EBAG9: variants seen among roughly 807,000 people sequenced by gnomAD.
The protein encoded by EBAG9 is estrogen receptor binding site associated antigen 9.
EBAG9 carries 16 observed loss-of-function variants against 30.9 expected under a neutral mutation model. The ratio of observed to expected loss-of-function variants is 0.52; its 90% confidence interval spans 0.35 to 0.79. The LOEUF is 0.79. EBAG9 is among the 30% of genes least tolerant of loss of function. The pLI is 0.01. For synonymous variants in EBAG9, 93 were observed against 82.8 expected (o/e 1.12, Z -0.67); for missense variants, 197 against 242.1 (o/e 0.81, Z 1.24).
intron 5 of EBAG9, among the ~76,000 whole-genome samples, chr8:109,560,263 T>A (rs1016607844): frequency 2.0e-5 from 3 of 152,206 alleles, no homozygotes; most frequent in African/African-American, 7.2e-5. Context: ...AAAGGAAGCA[T>A]GACCTAGAAG....
At chr8:109,548,911 T>C (rs1228265935) in intron 1 of EBAG9, among the ~76,000 whole-genome samples, 5 of 148,812 alleles carry the variant, frequency 3.4e-5, no homozygotes, top group Admixed American at 6.7e-5. Flanking sequence ...TTTTGCTGGA[T>C]TGCATTGGCC....
At chr8:109,552,879 T>C (rs998824679) in intron 2 of EBAG9, among the ~76,000 whole-genome samples, 1 of 152,096 alleles carries the variant, frequency 6.6e-6, no homozygotes, top group African/African-American at 2.4e-5. Flanking sequence ...TAGGATAGCT[T>C]GAGGCCAGGA....
In EBAG9 at chr8:109,548,887, C is replaced by CTT. The variant is rs548152043; in HGVS notation, c.-15-1907_-15-1906dup. On this transcript the variant is annotated intron_variant, in intron 1 of 6. Transcript: ENST00000337573. ...TTTCTTTTCTATTTTTTTCTTTTTT[C>CTT]TTTTTTTTTTTTTTTTTGCTGGATT... Among the ~76,000 whole-genome samples, 516 of 125,104 alleles carry CTT rather than the reference C, an allele frequency of 4.1e-3. 4 individuals are homozygous for CTT. The highest frequency in any genetic ancestry group is 0.014 in the African/African-American group (464 of 33,384). 82.1% of individuals were successfully genotyped at this position (125,104 alleles called of 152,430 possible). A position where few individuals can be genotyped will look rare whatever the true frequency, so the allele number is the denominator to read the frequency against.
At chr8:109,549,717 T>C (rs1267924254) in intron 1 of EBAG9, among the ~76,000 whole-genome samples, 1 of 152,102 alleles carries the variant, frequency 6.6e-6, no homozygotes. Flanking sequence ...TTATCTGTCT[T>C]GTTTATGATA....
chr8:109,541,357 C>G (rs578115378), intron 1 of EBAG9, among the ~76,000 whole-genome samples: 1 of 152,240 alleles, frequency 6.6e-6, no homozygotes, highest in East Asian at 1.9e-4. Flanking sequence ...TAAAAGGTTT[C>G]TTAAGTAGGA....
In EBAG9 at chr8:109,554,836, G is replaced by A. The variant is rs1821565547; in HGVS notation, c.270G>A (p.Leu90=). 6.2e-7 allele frequency: 1 copy of A among 1,613,758 alleles called. No homozygotes were observed. The highest frequency in any genetic ancestry group is 2.2e-5 in the East Asian group (1 of 44,858). ...VATQQNSLEQ[L]EPDYFKDMTP... ...CACAACAAAATTCTTTGGAACAACT[G>A]GAACCTGACTATTTTAAGGACATGA... Residue 90 remains leucine, a synonymous_variant, in exon 4 of 7, where the codon CTG becomes CTA. Transcript: ENST00000337573.
rs890445629 is a variant in EBAG9 at position 109,565,228 on chromosome 8, A to G, written c.*669A>G. 1 of 152,544 alleles carries G rather than the reference A, an allele frequency of 6.6e-6. No individual in the cohort carries two copies. Among genetic ancestry groups the G allele is most frequent in the Non-Finnish European group, 1.5e-5 (1 of 67,980 alleles). The allele number at this position is 152,544 out of a possible 1,614,324, so 9.4% of individuals were successfully genotyped here. ...CATACATGTAATTTATATCACATGT[A>G]TAAACATTGAAAATCAACTAAAATG... On this transcript the variant is annotated 3_prime_UTR_variant, in exon 7 of 7. Transcript: ENST00000337573.
chr8:109,545,602 A>G (rs1821368861), intron 1 of EBAG9, among the ~76,000 whole-genome samples: 1 of 152,020 alleles, frequency 6.6e-6, no homozygotes, highest in Non-Finnish European at 1.5e-5. Context: ...TGACCTCGTG[A>G]TCTGCCCGCC....
intron 5 of EBAG9, among the ~76,000 whole-genome samples, chr8:109,558,377 A>C (rs1821644846): frequency 6.6e-6 from 1 of 152,186 alleles, no homozygotes; most frequent in Non-Finnish European, 1.5e-5. Flanking sequence ...ATGCAGTTAC[A>C]CGATGCTATG....
At chr8:109,549,494 A>G (rs1203130833) in intron 1 of EBAG9, among the ~76,000 whole-genome samples, 1 of 152,060 alleles carries the variant, frequency 6.6e-6, no homozygotes, top group Non-Finnish European at 1.5e-5. Flanking sequence ...AGAATTTACC[A>G]GTGAAGCCAT....
Sources: gnomAD v4.1 joint callset for allele counts (sites outside exome capture counted in the v4.1 genomes callset) on GRCh38, gnomAD v4.1.1 for gene constraint, MANE v1.5 for transcripts, NCBI Gene and HGNC (gene_info 2026-07-23, HGNC 2026-07-21) for gene names.